CLEC16A: variants seen among roughly 807,000 people sequenced by gnomAD.
The protein encoded by CLEC16A is C-type lectin domain containing 16A, also known as protein CLEC16A.
Under a neutral mutation model 109.5 loss-of-function variants are expected in CLEC16A, and 51 were observed. That is an observed-to-expected ratio of 0.47 (90% confidence interval 0.37 to 0.59). The LOEUF (loss-of-function observed/expected upper bound fraction) is 0.59. Ranked by LOEUF, CLEC16A falls within the 20% of genes least tolerant of loss-of-function variation. The pLI is 0.00. For synonymous variants in CLEC16A, 673 were observed against 564.2 expected (o/e 1.19, Z -2.73); for missense variants, 1,339 against 1,394.0 (o/e 0.96, Z 0.63).
intron 22 of CLEC16A, among the ~76,000 whole-genome samples, chr16:11,144,296 C>T (rs1245651732): frequency 6.6e-6 from 1 of 152,256 alleles, no homozygotes; most frequent in African/African-American, 2.4e-5. Context: ...ACAGCGGCCT[C>T]AGTCTCCTGT....
Position 11,003,278 on chromosome 16 carries a change from G to T in CLEC16A, c.1276G>T (p.Gly426Cys). Reference protein sequence around the residue: ...KAKGTEGGSKGIKTSGESEEI... With the variant: ...KAKGTEGGSKCIKTSGESEEI... ...TAAAGGTACAGAGGGTGGTTCAAAA[G>T]GCATCAAGACGAGTGGGGAGAGTGA... Residue 426 changes from glycine (G) to cysteine (C), a missense_variant, in exon 11 of 24, where the codon GGC becomes TGC. Physicochemically the swap from Gly to Cys is radical, Grantham distance 159 (BLOSUM62 -3). This residue lies in a region of CLEC16A where 1,061 missense variants were observed against 1,006.8 expected (regional missense o/e 1.05). Transcript: ENST00000409790. 2 of 1,612,432 alleles carry T rather than the reference G, an allele frequency of 1.2e-6. No homozygotes were observed. The highest frequency in any genetic ancestry group is 1.3e-5 in the African/African-American group (1 of 74,980).
intron 14 of CLEC16A, 141 bp downstream of exon 14, chr16:11,040,017 C>G (rs1480591872): frequency 9.5e-7 from 1 of 1,053,774 alleles, no homozygotes; most frequent in Non-Finnish European, 1.3e-6. Context: ...GCCTCTCAAC[C>G]CCTGCATCCT....
At chr16:11,039,368 A>G (rs77205061) in intron 13 of CLEC16A, among the ~76,000 whole-genome samples, 3,999 of 152,280 alleles carry the variant, frequency 0.026, 72 homozygotes, top group Non-Finnish European at 0.04. Flanking sequence ...CTGATTTCCT[A>G]TTTATAAGAA....
chr16:11,148,286 AC>A (rs2054151539), intron 22 of CLEC16A, among the ~76,000 whole-genome samples: 3 of 152,126 alleles, frequency 2.0e-5, no homozygotes, highest in Admixed American at 2.0e-4. Flanking sequence ...CATGCCAATG[AC>A]TTTTAAAAAT....
In CLEC16A at chr16:10,961,576, A is replaced by G. The variant is rs1313728597; in HGVS notation, c.210-879A>G. On this transcript the variant is annotated intron_variant, in intron 2 of 23. Transcript: ENST00000409790. This position sits in a 1 kb window ranked among gnomAD's most constrained non-coding sequence, Gnocchi z 4.3. ...TTCAAGACTGAAAGAGCCAACGTGT[A>G]CCCCCAGAAGCCAGTGCCGCTAGGC... Among the ~76,000 whole-genome samples the G allele has an allele frequency of 6.6e-6, 1 of 152,158 alleles. No homozygotes were observed.
At chr16:11,148,063 A>G (rs1466737456) in intron 22 of CLEC16A, among the ~76,000 whole-genome samples, 1 of 152,138 alleles carries the variant, frequency 6.6e-6, no homozygotes, top group Non-Finnish European at 1.5e-5. Context: ...TGCATTTCAT[A>G]CCTTTCCAGA....
intron 23 of CLEC16A, among the ~76,000 whole-genome samples, chr16:11,171,762 A>G (rs1462725089): frequency 6.6e-6 from 1 of 152,244 alleles, no homozygotes; most frequent in African/African-American, 2.4e-5. Flanking sequence ...CCACACAGTG[A>G]CACTTCTGCA....
At chr16:11,077,254 G>A (rs1388893922) in intron 19 of CLEC16A, among the ~76,000 whole-genome samples, 3 of 152,064 alleles carry the variant, frequency 2.0e-5, no homozygotes, top group Non-Finnish European at 4.4e-5. Context: ...CGGATTGCCT[G>A]AAGTCAGGAG....
intron 19 of CLEC16A, among the ~76,000 whole-genome samples, chr16:11,118,897 C>G (rs1434834357): frequency 6.6e-6 from 1 of 152,192 alleles, no homozygotes; most frequent in African/African-American, 2.4e-5. Flanking sequence ...AGATGGTGTT[C>G]TTTCCCCAGC....
intron 19 of CLEC16A, among the ~76,000 whole-genome samples, chr16:11,083,787 C>G (rs1000151158): frequency 8.5e-5 from 13 of 152,242 alleles, no homozygotes; most frequent in African/African-American, 3.1e-4. Flanking sequence ...GCCTGTGGCG[C>G]TCCCCTGTCC....
intron 8 of CLEC16A, among the ~76,000 whole-genome samples, chr16:10,978,275 C>T (rs2043131986): frequency 6.6e-6 from 1 of 152,150 alleles, no homozygotes; most frequent in African/African-American, 2.4e-5. Flanking sequence ...TTCTCAGGGC[C>T]CCCCTGTGAG....
intron 17 of CLEC16A, among the ~76,000 whole-genome samples, chr16:11,049,286 G>A (rs897460003): frequency 4.6e-5 from 7 of 152,066 alleles, no homozygotes; most frequent in East Asian, 3.8e-4. Context: ...AATTACAGGC[G>A]TGAGCCACCG....
In CLEC16A at chr16:11,172,234, TCATA is replaced by T. The variant is rs371808432; in HGVS notation, c.2806+5685_2806+5688del. ...GCCACATTCACATACATGCACACAC[TCATA>T]CAGTCACACGCATACAAATGTATGT... is the stretch of plus-strand genomic sequence containing the variant. On this transcript the variant is annotated intron_variant, in intron 23 of 23. Coordinates refer to ENST00000409790, the MANE Select transcript of CLEC16A (RefSeq NM_015226.3). Among the ~76,000 whole-genome samples, 247 of 152,000 alleles carry T rather than the reference TCATA, an allele frequency of 1.6e-3. 1 individual carries two copies. The highest frequency in any genetic ancestry group is 5.6e-3 in the African/African-American group (233 of 41,466).
At chr16:11,084,026 G>T (rs764901911) in intron 19 of CLEC16A, among the ~76,000 whole-genome samples, 1 of 152,120 alleles carries the variant, frequency 6.6e-6, no homozygotes, top group Non-Finnish European at 1.5e-5. Context: ...AGCCCAAGCC[G>T]TATGGGCCCC....
chr16:10,973,282 A>T (rs773747197), intron 7 of CLEC16A, among the ~76,000 whole-genome samples: 43 of 152,220 alleles, frequency 2.8e-4, no homozygotes, highest in Non-Finnish European at 4.9e-4. Flanking sequence ...AAATCAATTC[A>T]GTACAGCCAT....
At chr16:10,971,006 A>G in intron 4 of CLEC16A, 119 bp from the exon 5 acceptor site, 1 of 641,148 alleles carries the variant, frequency 1.6e-6, no homozygotes, top group Non-Finnish European at 2.6e-6. Context: ...CACATTGGCA[A>G]CATTTTTTTT....
At chr16:11,044,004 C>T (rs2047494392) in intron 15 of CLEC16A, 24 bp from the exon 16 acceptor site, 1 of 1,586,034 alleles carries the variant, frequency 6.3e-7, no homozygotes, top group African/African-American at 1.4e-5. Flanking sequence ...CTGCCTCCTT[C>T]ACACCTTCCT....
intron 2 of CLEC16A, among the ~76,000 whole-genome samples, chr16:10,958,112 A>C (rs555577092): frequency 1.3e-5 from 2 of 151,920 alleles, no homozygotes; most frequent in South Asian, 4.2e-4. Flanking sequence ...TGGGGAAGTT[A>C]TGGAAATGAG....
intron 22 of CLEC16A, among the ~76,000 whole-genome samples, chr16:11,140,278 G>A (rs2053762065): frequency 6.6e-6 from 1 of 152,204 alleles, no homozygotes; most frequent in Non-Finnish European, 1.5e-5. Flanking sequence ...CGGATGTCCT[G>A]TTGAACCTCA....
Sources: allele counts gnomAD v4.1 joint callset (sites outside exome capture counted in the v4.1 genomes callset), GRCh38; gene constraint gnomAD v4.1.1; regional missense constraint gnomAD v4.1.1; non-coding constraint Gnocchi (gnomAD v3.1); transcripts MANE v1.5; gene names NCBI Gene and HGNC (gene_info 2026-07-23, HGNC 2026-07-21).